The following ATRX variants were observed in gnomAD, a reference collection of about 807,000 sequenced individuals.
ATRX encodes the protein ATRX chromatin remodeler.
Under a neutral mutation model 172.6 loss-of-function variants are expected in ATRX, and 12 were observed. That is an observed-to-expected ratio of 0.07 (90% confidence interval 0.04 to 0.11). The LOEUF (loss-of-function observed/expected upper bound fraction) is 0.11. ATRX is among the 10% of genes least tolerant of loss of function. The probability of loss-of-function intolerance (pLI) is 1.00; values close to 1 mark genes in which losing one functional copy is unlikely to be tolerated. For synonymous variants in ATRX, 674 were observed against 594.7 expected (o/e 1.13, Z -1.94); for missense variants, 1,368 against 1,767.4 (o/e 0.77, Z 4.05).
At chrX:77,670,600 C>T (rs1281382954) in intron 10 of ATRX, among the ~76,000 whole-genome samples, 1 of 109,218 alleles carries the variant, frequency 9.2e-6, no homozygotes, top group African/African-American at 3.3e-5. Context: ...ACTAAAAATA[C>T]AAAAATTAGC....
intron 1 of ATRX, among the ~76,000 whole-genome samples, chrX:77,748,665 T>C (rs868941639): frequency 1.0e-4 from 11 of 108,374 alleles, no homozygotes; most frequent in Admixed American, 2.0e-4. Flanking sequence ...CGGCTCACTG[T>C]AACCTCCGCC....
At chrX:77,534,230 A>G (rs1333918473) in intron 30 of ATRX, among the ~76,000 whole-genome samples, 1 of 111,910 alleles carries the variant, frequency 8.9e-6, no homozygotes, top group African/African-American at 3.2e-5. Flanking sequence ...TAAGACATGA[A>G]TAAGAGAAAA....
chrX:77,786,186 A>G lies in ATRX; in HGVS notation c.-185T>C. The G allele has an allele frequency of 2.1e-6, 1 of 470,953 alleles. No homozygotes were observed. The allele number at this position is 470,953 out of a possible 1,213,427, so 38.8% of individuals were successfully genotyped here. A position where few individuals can be genotyped will look rare whatever the true frequency, so the allele number is the denominator to read the frequency against. ...GCAGGAGCCGCGGAAACAAAGCGAC[A>G]CCGCTGCCGCCGCCATTTTGTTGGG... On this transcript the variant is annotated 5_prime_UTR_variant, in exon 1 of 35. Coordinates refer to ENST00000373344, the MANE Select transcript of ATRX (RefSeq NM_000489.6).
intron 1 of ATRX, among the ~76,000 whole-genome samples, chrX:77,738,558 C>CTTTTTT (rs781834798): frequency 1.4e-5 from 1 of 73,529 alleles, no homozygotes. Flanking sequence ...TCTTTTGTGT[C>CTTTTTT]TTTTTTTTTT....
chrX:77,734,491 G>C (rs2074449107), intron 1 of ATRX, among the ~76,000 whole-genome samples: 7 of 111,960 alleles, frequency 6.3e-5, no homozygotes, highest in Admixed American at 3.8e-4. Context: ...ACGGAAGAAT[G>C]AAACTAGACT....
chrX:77,757,580 G>A (rs5913186), intron 1 of ATRX, among the ~76,000 whole-genome samples: 4,188 of 111,167 alleles, frequency 0.038, 115 homozygotes, highest in African/African-American at 0.1. Context: ...CTCCTCTAAC[G>A]CTGGAAAAAC....
chrX:77,681,617 C>T lies in ATRX; in HGVS notation c.3639G>A (p.Gln1213=), dbSNP rs1557136961. ...CGCTGCTTCCCTCACCTATAGAATT[C>T]TGATCATCATCTTCTATATCAGAAG... is the stretch of plus-strand genomic sequence containing the variant. ...SSSSDIEDDD[Q]NSIGEGSSDE... The change falls in exon 9 of 35, where the codon CAG becomes CAA. Residue 1213 remains glutamine (Q), a synonymous_variant. Transcript: ENST00000373344. 1.7e-6 allele frequency: 2 copies of T among 1,205,107 alleles called. No individual in the cohort carries two copies. The highest frequency in any genetic ancestry group is 2.2e-6 in the Non-Finnish European group (2 of 893,445).
rs2148595916 is a variant in ATRX, at chrX:77,682,754, G to C, written c.2502C>G (p.Ala834=). The C allele has an allele frequency of 8.3e-7, 1 of 1,210,031 alleles. No individual in the cohort carries two copies. Among genetic ancestry groups the C allele is most frequent in the Non-Finnish European group, 1.1e-6 (1 of 895,012 alleles). Residue 834 remains alanine (A), a synonymous_variant, in exon 9 of 35, where the codon GCC becomes GCG. Coordinates refer to ENST00000373344, the MANE Select transcript of ATRX (RefSeq NM_000489.6). The stretch of plus-strand genomic sequence containing the variant: ...TTGGAATTCTTTTTTTGGTGGTTCT[G>C]GCAGCACCAATTTTACTCATGCTCT... ...EIKSMSKIGA[A]RTTKKRIPNT...
At chrX:77,723,250 C>A (rs2073867786) in intron 1 of ATRX, among the ~76,000 whole-genome samples, 1 of 111,088 alleles carries the variant, frequency 9.0e-6, no homozygotes, top group Admixed American at 9.6e-5. Context: ...TTGATGGGTG[C>A]AGCAAACCAC....
At chrX:77,509,293 T>A (rs2062788251) in intron 34 of ATRX, among the ~76,000 whole-genome samples, 1 of 112,125 alleles carries the variant, frequency 8.9e-6, no homozygotes, top group African/African-American at 3.2e-5. Context: ...CTACCTTTTA[T>A]TCTCAAATTA....
chrX:77,781,575 T>G (rs1022170448), intron 1 of ATRX, among the ~76,000 whole-genome samples: 1 of 111,096 alleles, frequency 9.0e-6, no homozygotes, highest in Non-Finnish European at 1.9e-5. Context: ...TAAATATTGA[T>G]ATTTACTCCC....
At chrX:77,521,013 A>AC (rs1340285831) in intron 33 of ATRX, 97 bp from the exon 34 acceptor site, 7 of 911,757 alleles carry the variant, frequency 7.7e-6, no homozygotes, top group Non-Finnish European at 1.1e-5. Context: ...AAGGTTTCAA[A>AC]CCCCCCTTTT....
chrX:77,738,851 G>A (rs12389251), intron 1 of ATRX, among the ~76,000 whole-genome samples: 3,134 of 110,663 alleles, frequency 0.028, 107 homozygotes, highest in African/African-American at 0.098. Flanking sequence ...GCATGTTCCC[G>A]GCTAAAACTA....
intron 27 of ATRX, among the ~76,000 whole-genome samples, chrX:77,582,614 AAAAG>A (rs2065866090): frequency 9.0e-6 from 1 of 111,531 alleles, no homozygotes; most frequent in African/African-American, 3.2e-5. Context: ...GACTAAGCAA[AAAAG>A]AGAGAAGACC....
chrX:77,609,041 A>G (rs1057377701), intron 22 of ATRX, among the ~76,000 whole-genome samples: 37 of 112,122 alleles, frequency 3.3e-4, no homozygotes, highest in African/African-American at 1.2e-3. Context: ...CTACAATAAG[A>G]TATCATCTCA....
chrX:77,658,591 T>G (rs782128433), intron 12 of ATRX, among the ~76,000 whole-genome samples: 2 of 112,344 alleles, frequency 1.8e-5, no homozygotes, highest in East Asian at 5.6e-4. Flanking sequence ...TAGTAAATAT[T>G]TTTGACTTGT....
chrX:77,782,139 C>T (rs1310133678), intron 1 of ATRX, among the ~76,000 whole-genome samples: 2 of 111,872 alleles, frequency 1.8e-5, no homozygotes, highest in Admixed American at 9.6e-5. Context: ...TATTTAAATG[C>T]TTTTTAAAAA....
intron 27 of ATRX, among the ~76,000 whole-genome samples, chrX:77,580,723 CA>C (rs782058452): frequency 9.0e-6 from 1 of 111,437 alleles, no homozygotes; most frequent in Non-Finnish European, 1.9e-5. Flanking sequence ...TCTAAAGGTA[CA>C]AAACTCACTA....
At position 77,615,977 on chromosome X, in the gene ATRX, T is replaced by G. The variant is rs1203997406; in HGVS notation, c.5566+636A>C. 5.3e-6 allele frequency: 4 copies of G among 751,759 alleles called. No individual in the cohort carries two copies. In the African/African-American group the frequency reaches 9.3e-5, roughly 17 times the overall value. The allele number at this position is 751,759 out of a possible 1,213,427, so 62.0% of individuals were successfully genotyped here. A position where few individuals can be genotyped will look rare whatever the true frequency, so the allele number is the denominator to read the frequency against. ...CCAGTCCAAAGATTAGGTTTTGTTG[T>G]GTGAAGACAGACATCTTCAGGCACA... On this transcript the variant is annotated intron_variant, in intron 22 of 34. Coordinates refer to ENST00000373344, the MANE Select transcript of ATRX (RefSeq NM_000489.6).
Sources: gnomAD v4.1 joint callset for allele counts (sites outside exome capture counted in the v4.1 genomes callset) on GRCh38, gnomAD v4.1.1 for gene constraint, MANE v1.5 for transcripts, NCBI Gene and HGNC (gene_info 2026-07-23, HGNC 2026-07-21) for gene names.